ADAMTSL1: variants seen among roughly 807,000 people sequenced by gnomAD.
The protein encoded by ADAMTSL1 is ADAMTS-like protein 1.
ADAMTSL1 carries 126 observed loss-of-function variants against 201.8 expected under a neutral mutation model. That is an observed-to-expected ratio of 0.62 (90% CI 0.54 to 0.72). The LOEUF (loss-of-function observed/expected upper bound fraction) is 0.72. Ranked by LOEUF, ADAMTSL1 falls within the 30% of genes least tolerant of loss-of-function variation. The probability of loss-of-function intolerance (pLI) is 0.00; values close to 1 mark genes in which losing one functional copy is unlikely to be tolerated. For missense variants in ADAMTSL1, 2,679 were observed against 2,277.8 expected, an observed-to-expected ratio of 1.18 and a Z score of -3.59; for synonymous variants, 1,121 against 903.4, an observed-to-expected ratio of 1.24 and a Z score of -4.32.
chr9:18,400,187 T>TA (rs1407612519), intron 2 of ADAMTSL1, among the ~76,000 whole-genome samples: 1 of 110,464 alleles, frequency 9.1e-6, no homozygotes, highest in Non-Finnish European at 2.0e-5. Flanking sequence ...ATAATAATAA[T>TA]AAAAAAGAAA....
At chr9:18,026,673 C>T (rs111953003) in intron 1 of ADAMTSL1, among the ~76,000 whole-genome samples, 3,477 of 151,846 alleles carry the variant, frequency 0.023, 48 homozygotes, top group Middle Eastern at 0.041. Flanking sequence ...TTTCTTTTTT[C>T]GTTGTGTCTT....
chr9:18,757,583 T>A (rs1406771260), intron 16 of ADAMTSL1, among the ~76,000 whole-genome samples: 1 of 152,010 alleles, frequency 6.6e-6, no homozygotes, highest in Non-Finnish European at 1.5e-5. Flanking sequence ...GCTTGTATAC[T>A]CCCCTGCCCG....
At chr9:18,552,259 C>T (rs913439570) in intron 3 of ADAMTSL1, among the ~76,000 whole-genome samples, 6 of 151,642 alleles carry the variant, frequency 4.0e-5, no homozygotes, top group African/African-American at 1.2e-4. Context: ...AGTTGCATCC[C>T]GCAGTGTGAT....
At chr9:18,630,997 G>C (rs1328944572) in intron 5 of ADAMTSL1, among the ~76,000 whole-genome samples, 1 of 152,132 alleles carries the variant, frequency 6.6e-6, no homozygotes, top group Non-Finnish European at 1.5e-5. Context: ...GATACTGGCT[G>C]TTTTGATGTT....
chr9:18,318,065 C>A (rs570778989), intron 2 of ADAMTSL1, among the ~76,000 whole-genome samples: 49 of 152,230 alleles, frequency 3.2e-4, no homozygotes, highest in Non-Finnish European at 2.1e-4. Context: ...AATTAGACAC[C>A]TCTTGGGCTA....
rs114079914 is a variant in ADAMTSL1, at chr9:18,790,105, C to T, written c.3678-5292C>T. 8.9e-3 allele frequency among the ~76,000 whole-genome samples: 1,353 copies of T among 152,244 alleles called. 15 individuals are homozygous for T. Among genetic ancestry groups the T allele is most frequent in the African/African-American group, 0.031 (1,293 of 41,544 alleles). ...GTTATGTGTACCATCAAAAAAAAAT[C>T]ATTTATTAGCTTTATCTGGTGTTTA... On this transcript the variant is annotated intron_variant, in intron 19 of 28. Transcript: ENST00000380548.
intron 16 of ADAMTSL1, among the ~76,000 whole-genome samples, chr9:18,758,314 C>G (rs567836228): frequency 1.3e-5 from 2 of 152,204 alleles, no homozygotes; most frequent in African/African-American, 4.8e-5. Flanking sequence ...ACAGAACACT[C>G]GGTATTTGTT....
intron 2 of ADAMTSL1, among the ~76,000 whole-genome samples, chr9:18,351,171 C>G (rs1476097603): frequency 6.6e-6 from 1 of 150,402 alleles, no homozygotes; most frequent in Admixed American, 6.6e-5. Context: ...TGACGCAAGA[C>G]ACTACATCAT....
chr9:18,690,485 A>C (rs569589580), intron 13 of ADAMTSL1, among the ~76,000 whole-genome samples: 2 of 152,148 alleles, frequency 1.3e-5, no homozygotes, highest in Non-Finnish European at 2.9e-5. Context: ...TATTCTCTTC[A>C]TGAATCTCAG....
chr9:17,964,444 T>C, intron 1 of ADAMTSL1, among the ~76,000 whole-genome samples: 1 of 152,086 alleles, frequency 6.6e-6, no homozygotes, highest in East Asian at 1.9e-4. Context: ...AGCCAGGGGT[T>C]AGGGAGAAGG....
intron 2 of ADAMTSL1, among the ~76,000 whole-genome samples, chr9:18,180,290 T>G (rs1828397454): frequency 6.6e-6 from 1 of 152,046 alleles, no homozygotes; most frequent in Non-Finnish European, 1.5e-5. Context: ...TCCCAGCACT[T>G]TGGGAGGCTG....
chr9:18,000,913 G>C (rs1484377670), intron 1 of ADAMTSL1, among the ~76,000 whole-genome samples: 3 of 152,032 alleles, frequency 2.0e-5, no homozygotes, highest in Non-Finnish European at 4.4e-5. Context: ...CAAAACTTCA[G>C]TTCCAGGAAG....
intron 2 of ADAMTSL1, among the ~76,000 whole-genome samples, chr9:18,381,767 C>T (rs140112357): frequency 6.6e-6 from 1 of 151,896 alleles, no homozygotes; most frequent in Non-Finnish European, 1.5e-5. Context: ...CACCGAGAAC[C>T]CATTTGGAGC....
chr9:18,352,356 C>T (rs532114415), intron 2 of ADAMTSL1, among the ~76,000 whole-genome samples: 25 of 152,270 alleles, frequency 1.6e-4, no homozygotes, highest in Admixed American at 1.4e-3. Flanking sequence ...TGTAAGTAGT[C>T]TTTGGATAAG....
intron 2 of ADAMTSL1, among the ~76,000 whole-genome samples, chr9:18,396,014 G>T (rs1817738539): frequency 6.6e-6 from 1 of 152,204 alleles, no homozygotes; most frequent in Non-Finnish European, 1.5e-5. Flanking sequence ...ATCAACATTT[G>T]AAGTAGACCA....
intron 20 of ADAMTSL1, among the ~76,000 whole-genome samples, chr9:18,797,128 C>T (rs1257446060): frequency 2.0e-5 from 3 of 152,136 alleles, no homozygotes; most frequent in South Asian, 4.1e-4. Context: ...GACAGAGCAG[C>T]CAAAGAGGCA....
chr9:18,867,452 T>C (rs1404995642), intron 23 of ADAMTSL1, among the ~76,000 whole-genome samples: 1 of 152,172 alleles, frequency 6.6e-6, no homozygotes, highest in East Asian at 1.9e-4. Flanking sequence ...CAAATGTGTT[T>C]TTCTTTTTAT....
At chr9:17,954,058 G>T (rs111551661) in intron 1 of ADAMTSL1, among the ~76,000 whole-genome samples, 1 of 151,900 alleles carries the variant, frequency 6.6e-6, no homozygotes, top group Non-Finnish European at 1.5e-5. Context: ...GGAAGGTCTG[G>T]GGCTGGCTGA....
chr9:18,071,632 T>C (rs1453005291), intron 1 of ADAMTSL1, among the ~76,000 whole-genome samples: 1 of 152,226 alleles, frequency 6.6e-6, no homozygotes, highest in Non-Finnish European at 1.5e-5. Context: ...GGCCCTCTGC[T>C]TTTATCCATG....
Sources: gnomAD v4.1 joint callset for allele counts (sites outside exome capture counted in the v4.1 genomes callset) on GRCh38, gnomAD v4.1.1 for gene constraint, MANE v1.5 for transcripts, NCBI Gene and HGNC (gene_info 2026-07-23, HGNC 2026-07-21) for gene names.